EYS: variants seen among roughly 807,000 people sequenced by gnomAD.
The protein encoded by EYS is protein eyes shut homolog.
EYS carries 250 observed loss-of-function variants against 282.1 expected under a neutral mutation model. That is an observed-to-expected ratio of 0.89 (90% CI 0.80 to 0.98). The LOEUF (loss-of-function observed/expected upper bound fraction) is 0.98. EYS is among the 50% of genes least tolerant of loss of function. The pLI is 0.00. For synonymous variants in EYS, 1,355 were observed against 1,282.9 expected, an observed-to-expected ratio of 1.06 and a Z score of -1.20; for missense variants, 4,016 against 3,709.0, an observed-to-expected ratio of 1.08 and a Z score of -2.15.
chr6:64,806,122 T>A (rs563824087), intron 22 of EYS, among the ~76,000 whole-genome samples: 60 of 151,838 alleles, frequency 4.0e-4, no homozygotes, highest in African/African-American at 1.3e-3. Flanking sequence ...GAAGTAATAG[T>A]CATAAATTTA....
intron 26 of EYS, among the ~76,000 whole-genome samples, chr6:64,447,757 G>T (rs1237500753): frequency 1.3e-5 from 2 of 152,166 alleles, no homozygotes; most frequent in Non-Finnish European, 2.9e-5. Context: ...TATGAAAATA[G>T]ATTATTGCAA....
At chr6:64,395,241 A>C (rs1362281187) in intron 28 of EYS, among the ~76,000 whole-genome samples, 1 of 152,148 alleles carries the variant, frequency 6.6e-6, no homozygotes, top group East Asian at 1.9e-4. Flanking sequence ...TCAGGGATCT[A>C]GAACTGGAAA....
intron 31 of EYS, among the ~76,000 whole-genome samples, chr6:64,093,298 T>C (rs553271128): frequency 1.3e-5 from 2 of 152,282 alleles, no homozygotes; most frequent in African/African-American, 4.8e-5. Context: ...AAGAAAGTCA[T>C]TGGTAGCTTG....
intron 31 of EYS, among the ~76,000 whole-genome samples, chr6:64,091,615 T>G (rs1250385006): frequency 6.6e-6 from 1 of 152,180 alleles, no homozygotes; most frequent in Non-Finnish European, 1.5e-5. Context: ...CCCAGACTTG[T>G]TCCCATCATG....
At chr6:64,733,879 T>A (rs1772067262) in intron 22 of EYS, 1 of 156,948 alleles carries the variant, frequency 6.4e-6, no homozygotes, top group Admixed American at 6.5e-5. Flanking sequence ...ACTCATATCC[T>A]CCTCATAGGC....
intron 5 of EYS, among the ~76,000 whole-genome samples, chr6:65,430,565 T>C (rs540654843): frequency 3.9e-5 from 6 of 152,136 alleles, no homozygotes; most frequent in Admixed American, 2.6e-4. Flanking sequence ...AGACACCAGC[T>C]GGGGCAGCTA....
chr6:64,075,976 C>T (rs914562642), intron 32 of EYS, among the ~76,000 whole-genome samples: 9 of 151,784 alleles, frequency 5.9e-5, no homozygotes, highest in South Asian at 2.1e-4. Context: ...GAAACATGGC[C>T]GTACTCATTC....
At chr6:64,651,796 A>G (rs1426723982) in intron 22 of EYS, among the ~76,000 whole-genome samples, 2 of 152,266 alleles carry the variant, frequency 1.3e-5, no homozygotes, top group Admixed American at 1.3e-4. Flanking sequence ...ATATGAACAT[A>G]AAGAAAGACA....
At chr6:65,400,849 T>C (rs1300263218) in intron 7 of EYS, among the ~76,000 whole-genome samples, 2 of 151,714 alleles carry the variant, frequency 1.3e-5, no homozygotes, top group Non-Finnish European at 2.9e-5. Flanking sequence ...TTCAGAAGAG[T>C]AAAACTTCAG....
intron 29 of EYS, among the ~76,000 whole-genome samples, chr6:64,319,795 G>A (rs1258260860): frequency 1.3e-5 from 2 of 151,848 alleles, no homozygotes; most frequent in Non-Finnish European, 2.9e-5. Context: ...GAATATTCCA[G>A]TTAAGCTGCC....
At chr6:64,232,639 C>A (rs2150338863) in intron 30 of EYS, among the ~76,000 whole-genome samples, 1 of 152,004 alleles carries the variant, frequency 6.6e-6, no homozygotes, top group Admixed American at 6.5e-5. Flanking sequence ...GATCCACCAG[C>A]CTCGGCCCCC....
intron 12 of EYS, among the ~76,000 whole-genome samples, chr6:65,236,469 G>A (rs182900869): frequency 1.1e-4 from 17 of 152,068 alleles, no homozygotes; most frequent in African/African-American, 3.1e-4. Flanking sequence ...AAATTAGCCG[G>A]GCATGGTGGT....
At chr6:64,220,423 A>AT (rs1303766815) in intron 31 of EYS, among the ~76,000 whole-genome samples, 3 of 152,106 alleles carry the variant, frequency 2.0e-5, no homozygotes, top group Non-Finnish European at 4.4e-5. Flanking sequence ...CTGCTTTCTA[A>AT]TCTGCAGGTA....
At chr6:65,188,329 C>A (rs148957003) in intron 12 of EYS, among the ~76,000 whole-genome samples, 1 of 151,540 alleles carries the variant, frequency 6.6e-6, no homozygotes. Context: ...ATCTTAAATG[C>A]ATAAAATACT....
intron 41 of EYS, among the ~76,000 whole-genome samples, chr6:63,754,301 T>C (rs2149650455): frequency 6.6e-6 from 1 of 152,230 alleles, no homozygotes; most frequent in East Asian, 1.9e-4. Context: ...CATCTACTTG[T>C]CGTTTACATT....
chr6:64,943,479 G>A (rs1218423240), intron 15 of EYS, among the ~76,000 whole-genome samples: 1 of 152,038 alleles, frequency 6.6e-6, no homozygotes, highest in East Asian at 1.9e-4. Flanking sequence ...CAAAGTTTCA[G>A]GACACAAAAT....
intron 12 of EYS, among the ~76,000 whole-genome samples, chr6:65,120,502 A>T (rs1775510137): frequency 6.7e-6 from 1 of 148,348 alleles, no homozygotes; most frequent in Non-Finnish European, 1.5e-5. Flanking sequence ...TTCCTTTAAG[A>T]TATATATTGT....
intron 15 of EYS, among the ~76,000 whole-genome samples, chr6:64,939,188 C>T (rs1258146860): frequency 6.6e-6 from 1 of 151,756 alleles, no homozygotes; most frequent in Admixed American, 6.6e-5. Flanking sequence ...CATATTAATA[C>T]ATTATCTTTA....
chr6:64,822,705 G>A lies in EYS; in HGVS notation c.3110C>T (p.Thr1037Ile). The change falls in exon 20 of 43, where the codon ACA becomes ATA. Residue 1037 changes from threonine (T) to isoleucine (I), a missense_variant. Transcript: ENST00000503581. ...ATCATTGGCGTTTGTTTCACAGTGTGTTCCAAAAAACCCACTCTTGCAGTC... is the reference window on the plus strand; with the variant it reads ...ATCATTGGCGTTTGTTTCACAGTGTATTCCAAAAAACCCACTCTTGCAGTC... ...TCDCKSGFFG[T>I]HCETNANDCL... is the part of the protein sequence containing the mutation. The A allele has an allele frequency of 6.5e-7, 1 of 1,548,664 alleles. No homozygotes were observed. Among genetic ancestry groups the A allele is most frequent in the Non-Finnish European group, 8.7e-7 (1 of 1,145,716 alleles).
Sources: allele counts gnomAD v4.1 joint callset (sites outside exome capture counted in the v4.1 genomes callset), GRCh38; gene constraint gnomAD v4.1.1; transcripts MANE v1.5; gene names NCBI Gene and HGNC (gene_info 2026-07-23, HGNC 2026-07-21).